Variants in RPS3A observed in about 807,000 individuals in gnomAD.
RPS3A encodes the protein ribosomal protein S3A, also known as small ribosomal subunit protein eS1.
In RPS3A, 1 loss-of-function variant was observed where a neutral mutation model predicts 26.4. That is an observed-to-expected ratio of 0.04 (90% CI 0.01 to 0.18). The LOEUF is 0.18. Ranked by LOEUF, RPS3A falls within the 10% of genes least tolerant of loss-of-function variation. RPS3A has a pLI of 1.00. For missense variants in RPS3A, 139 were observed against 326.8 expected, an observed-to-expected ratio of 0.43 and a Z score of 4.43; for synonymous variants, 97 against 106.1, an observed-to-expected ratio of 0.91 and a Z score of 0.53.
Position 151,103,016 on chromosome 4 carries a change from A to G in RPS3A, c.500A>G (p.Lys167Arg). 1.2e-6 allele frequency: 2 copies of G among 1,601,548 alleles called. No homozygotes were observed. The highest frequency in any genetic ancestry group is 1.7e-6 in the Non-Finnish European group (2 of 1,179,738). ...CAACAGGTCCGCCAAATCCGGAAGA[A>G]GATGATGGAAATCATGACCCGAGAG... is the stretch of plus-strand genomic sequence containing the variant. ...QHQQVRQIRK[K>R]MMEIMTREVQ... The change falls in exon 4 of 6, where the codon AAG (lysine) becomes AGG (arginine). Residue 167 changes from lysine to arginine, a missense_variant. Physicochemically the swap from Lys to Arg is conservative, Grantham distance 26. Coordinates refer to ENST00000274065, the MANE Select transcript of RPS3A (RefSeq NM_001006.5).
At chr4:151,101,433 T>C (rs943221330) in intron 3 of RPS3A, among the ~76,000 whole-genome samples, 2 of 152,220 alleles carry the variant, frequency 1.3e-5, no homozygotes, top group Non-Finnish European at 2.9e-5. Flanking sequence ...TAGTGGTTTT[T>C]TGAGGAACGT....
chr4:151,103,870 A>G, intron 4 of RPS3A: 3 of 1,422,950 alleles, frequency 2.1e-6, no homozygotes, highest in Non-Finnish European at 2.8e-6. Context: ...ATGGCCAGTG[A>G]TAACAACATT....
At chr4:151,101,282 A>G (rs1214977829) in intron 3 of RPS3A, 120 bp downstream of exon 3, 1 of 574,410 alleles carries the variant, frequency 1.7e-6, no homozygotes, top group African/African-American at 1.9e-5. Context: ...TGAAATGTCC[A>G]CAAAGTTCAT....
rs560975148 is a variant in RPS3A at position 151,099,649 on chromosome 4, C to T, written c.-4C>T. 1.2e-5 allele frequency: 19 copies of T among 1,613,718 alleles called. No homozygotes were observed. Among genetic ancestry groups the T allele is most frequent in the Non-Finnish European group, 3.4e-6 (4 of 1,179,928 alleles). On this transcript the variant is annotated 5_prime_UTR_variant, in exon 1 of 6. Transcript: ENST00000274065. The stretch of plus-strand genomic sequence containing the variant: ...TCCGCCCTTTTGGCTCTCTGACCAG[C>T]ACCATGGCGGTTGGCAAGAACAAGC...
chr4:151,104,394 A>G, intron 5 of RPS3A, 78 bp from the exon 6 acceptor site: 8 of 1,461,350 alleles, frequency 5.5e-6, no homozygotes, highest in South Asian at 1.3e-5. Flanking sequence ...TCATGCTTGC[A>G]TAGTAGTGAT....
At chr4:151,100,087 G>T in intron 1 of RPS3A, 2 of 530,276 alleles carry the variant, frequency 3.8e-6, no homozygotes, top group Non-Finnish European at 7.2e-6. Context: ...GCCTTTGCTT[G>T]GTCCCGCTGG....
chr4:151,102,109 A>G (rs760549822), intron 3 of RPS3A: 1 of 516,448 alleles, frequency 1.9e-6, no homozygotes, highest in South Asian at 1.4e-5. Flanking sequence ...TGATTATACC[A>G]TTATATTTAT....
chr4:151,102,504 T>C (rs913009629), intron 3 of RPS3A, among the ~76,000 whole-genome samples: 2 of 152,134 alleles, frequency 1.3e-5, no homozygotes, highest in African/African-American at 2.4e-5. Context: ...ATACCATGGA[T>C]CCTCTCAGAC....
chr4:151,104,311 T>G, intron 5 of RPS3A, 25 bp downstream of exon 5: 1 of 1,609,238 alleles, frequency 6.2e-7, no homozygotes, highest in South Asian at 1.1e-5. Flanking sequence ...ACATGATTCC[T>G]GTAGGGCCAA....
intron 3 of RPS3A, among the ~76,000 whole-genome samples, chr4:151,101,889 C>A (rs545225770): frequency 6.6e-6 from 1 of 152,064 alleles, no homozygotes; most frequent in African/African-American, 2.4e-5. Flanking sequence ...CCCGCCACCA[C>A]GCCCAGCTAA....
chr4:151,100,198 T>G (rs912767003), intron 1 of RPS3A, among the ~76,000 whole-genome samples: 1 of 152,174 alleles, frequency 6.6e-6, no homozygotes, highest in Admixed American at 6.5e-5. Flanking sequence ...ATGTTACTCG[T>G]GCCTGTGTAG....
intron 4 of RPS3A, chr4:151,103,857 A>G: frequency 7.1e-7 from 1 of 1,404,580 alleles, no homozygotes. Context: ...TCGGTCCCAG[A>G]TGATGGCCAG....
Position 151,103,086 on chromosome 4 carries a change from G to C in RPS3A, c.563+7G>C. ...AAGAAGTGGTCAATAAATTGTAAGT[G>C]TTTCTTTGCTTCCTCACACAACACA... On this transcript the variant is annotated splice_region_variant and intron_variant, in intron 4 of 5. Transcript: ENST00000274065. 6.3e-7 allele frequency: 1 copy of C among 1,595,318 alleles called. No individual in the cohort carries two copies. The highest frequency in any genetic ancestry group is 1.1e-5 in the South Asian group (1 of 90,394).
intron 4 of RPS3A, 101 bp from the exon 5 acceptor site, chr4:151,104,076 T>C: frequency 6.6e-7 from 1 of 1,509,330 alleles, no homozygotes; most frequent in Non-Finnish European, 8.8e-7. Context: ...AGGTAGGTGT[T>C]ATGTGTAGGT....
chr4:151,102,854 G>T lies in RPS3A; in HGVS notation c.355-17G>T, dbSNP rs770958297. On this transcript the variant is annotated splice_polypyrimidine_tract_variant and intron_variant, in intron 3 of 5. Coordinates refer to ENST00000274065, the MANE Select transcript of RPS3A (RefSeq NM_001006.5). ...AACGTAAAACCTGTTAAATCTGACG[G>T]TATCTTTTTTCTCCAGACAATGATT... 1.9e-6 allele frequency: 3 copies of T among 1,606,342 alleles called. No homozygotes were observed. Among genetic ancestry groups the T allele is most frequent in the South Asian group, 1.1e-5 (1 of 90,230 alleles).
intron 5 of RPS3A, 32 bp from the exon 6 acceptor site, chr4:151,104,440 T>TG: frequency 2.4e-6 from 2 of 835,380 alleles, no homozygotes; most frequent in South Asian, 6.5e-5. Context: ...AGTTTTTTGG[T>TG]TTTTTTTTTT....
intron 4 of RPS3A, chr4:151,103,742 T>C: frequency 2.6e-6 from 3 of 1,159,172 alleles, no homozygotes; most frequent in Non-Finnish European, 3.3e-6. Context: ...TCCCAAAAAA[T>C]AAAAAATATA....
chr4:151,100,905 C>T lies in RPS3A; in HGVS notation c.167-70C>T, dbSNP rs1747089383. On this transcript the variant is annotated intron_variant, in intron 2 of 5. Coordinates refer to ENST00000274065, the MANE Select transcript of RPS3A (RefSeq NM_001006.5). ...ATTTACCATTAACTTAATTTCTACC[C>T]TCAGTTTACAGGCTTGACTTTGCTT... The T allele has an allele frequency of 3.8e-6, 4 of 1,064,150 alleles. No homozygotes were observed. The South Asian group carries it at 4.7e-5, about 12-fold the overall frequency. The allele number at this position is 1,064,150 out of a possible 1,614,324, so 65.9% of individuals were successfully genotyped here.
At chr4:151,102,833 T>C in intron 3 of RPS3A, 38 bp from the exon 4 acceptor site, 1 of 1,588,862 alleles carries the variant, frequency 6.3e-7, no homozygotes, top group Non-Finnish European at 8.6e-7. Flanking sequence ...ATGGATAACG[T>C]AAAACCTGTT....
Sources: allele counts gnomAD v4.1 joint callset (sites outside exome capture counted in the v4.1 genomes callset), GRCh38; gene constraint gnomAD v4.1.1; transcripts MANE v1.5; gene names NCBI Gene and HGNC (gene_info 2026-07-23, HGNC 2026-07-21).